Variants in MCUB observed in about 807,000 individuals in gnomAD.
MCUB encodes the protein mitochondrial calcium uniporter dominant negative subunit beta.
Under a neutral mutation model 41.4 loss-of-function variants are expected in MCUB, and 46 were observed. That is an observed-to-expected ratio of 1.11 (90% CI 0.88 to 1.42). MCUB has a LOEUF of 1.42. Among genes scored for constraint, MCUB ranks in the 40% most tolerant of loss-of-function variants. The probability of loss-of-function intolerance (pLI) is 0.00; values close to 1 mark genes in which losing one functional copy is unlikely to be tolerated. For synonymous variants in MCUB, 148 were observed against 148.2 expected, an observed-to-expected ratio of 1.00 and a Z score of 0.01; for missense variants, 403 against 404.9, an observed-to-expected ratio of 1.00 and a Z score of 0.04.
chr4:109,665,340 C>G (rs1433309712), intron 4 of MCUB, among the ~76,000 whole-genome samples: 1 of 151,894 alleles, frequency 6.6e-6, no homozygotes, highest in Non-Finnish European at 1.5e-5. Context: ...TTTTTATGAC[C>G]AGAAATATGC....
rs979531838 is a variant in MCUB, at chr4:109,605,023, T to C, written c.99+44587T>C. Reference sequence around the variant, plus strand: ...TTGTCTGGTTTTGGTATCAGGGTAATACCAGCCTTCTAGAATAAGTTTGAA... The same window carrying C: ...TTGTCTGGTTTTGGTATCAGGGTAACACCAGCCTTCTAGAATAAGTTTGAA... On this transcript the variant is annotated intron_variant, in intron 1 of 7. Coordinates refer to ENST00000394650, the MANE Select transcript of MCUB (RefSeq NM_017918.5). 5.3e-5 allele frequency among the ~76,000 whole-genome samples: 8 copies of C among 152,356 alleles called. No individual in the cohort carries two copies. In the East Asian group the frequency reaches 1.5e-3, roughly 29 times the overall value.
intron 1 of MCUB, among the ~76,000 whole-genome samples, chr4:109,571,610 G>T (rs573850915): frequency 6.6e-6 from 1 of 152,300 alleles, no homozygotes; most frequent in South Asian, 2.1e-4. Context: ...ACCGTGCCAG[G>T]CTATTGTTAA....
chr4:109,639,274 CATTA>C (rs1280034745), intron 1 of MCUB, among the ~76,000 whole-genome samples: 1 of 152,100 alleles, frequency 6.6e-6, no homozygotes, highest in African/African-American at 2.4e-5. Flanking sequence ...GGCATGAAAA[CATTA>C]ATCTCCTTTT....
intron 1 of MCUB, among the ~76,000 whole-genome samples, chr4:109,575,536 T>G (rs997494983): frequency 1.8e-4 from 28 of 152,302 alleles, no homozygotes; most frequent in African/African-American, 6.7e-4. Context: ...TTCGTTTAAT[T>G]AGTTTATTCA....
intron 1 of MCUB, among the ~76,000 whole-genome samples, chr4:109,622,736 G>A (rs950553790): frequency 4.6e-5 from 7 of 152,170 alleles, no homozygotes; most frequent in African/African-American, 1.7e-4. Flanking sequence ...CATGGTCCCT[G>A]ATTTATGATG....
At chr4:109,583,319 G>A (rs1727228262) in intron 1 of MCUB, among the ~76,000 whole-genome samples, 1 of 152,100 alleles carries the variant, frequency 6.6e-6, no homozygotes, top group Non-Finnish European at 1.5e-5. Context: ...TATTCTCTTT[G>A]AAGCAATTGT....
At chr4:109,659,760 C>T (rs12646055) in intron 2 of MCUB, among the ~76,000 whole-genome samples, 41,321 of 152,104 alleles carry the variant, frequency 0.27, 6,307 homozygotes, top group East Asian at 0.47. Context: ...AGGCTGAAGC[C>T]ATCGTCCCAG....
At chr4:109,598,582 C>T (rs911474547) in intron 1 of MCUB, among the ~76,000 whole-genome samples, 18 of 151,976 alleles carry the variant, frequency 1.2e-4, no homozygotes, top group Middle Eastern at 6.8e-3. Flanking sequence ...AGAGGGAGAC[C>T]GTGGAAACAG....
intron 1 of MCUB, among the ~76,000 whole-genome samples, chr4:109,637,938 T>C (rs1251202035): frequency 6.6e-6 from 1 of 152,240 alleles, no homozygotes; most frequent in African/African-American, 2.4e-5. Flanking sequence ...AATGACTGTA[T>C]ATAGGCATAC....
intron 1 of MCUB, among the ~76,000 whole-genome samples, chr4:109,612,950 T>TA (rs1393705448): frequency 1.3e-5 from 2 of 151,608 alleles, no homozygotes; most frequent in East Asian, 3.9e-4. Context: ...ACTAAAAATA[T>TA]AAAAAATTAG....
intron 1 of MCUB, among the ~76,000 whole-genome samples, chr4:109,593,247 A>C (rs1487672421): frequency 6.6e-6 from 1 of 152,216 alleles, no homozygotes; most frequent in African/African-American, 2.4e-5. Context: ...AATTTAAAAA[A>C]GAGTTCTCCC....
At chr4:109,649,669 G>A (rs1335652475) in intron 1 of MCUB, among the ~76,000 whole-genome samples, 1 of 151,440 alleles carries the variant, frequency 6.6e-6, no homozygotes, top group Non-Finnish European at 1.5e-5. Context: ...TTTGTTTCTG[G>A]GGTTCTGTAG....
intron 1 of MCUB, among the ~76,000 whole-genome samples, chr4:109,579,597 C>T (rs985325292): frequency 5.3e-5 from 8 of 152,080 alleles, no homozygotes; most frequent in Admixed American, 4.6e-4. Flanking sequence ...ACATGTAAGA[C>T]GTGGCATTTG....
chr4:109,675,457 T>C (rs1729551475), intron 4 of MCUB, among the ~76,000 whole-genome samples: 1 of 152,234 alleles, frequency 6.6e-6, no homozygotes, highest in African/African-American at 2.4e-5. Context: ...TAGTTTCTCA[T>C]AGCTCAAGGC....
At chr4:109,622,615 A>C (rs1728271308) in intron 1 of MCUB, among the ~76,000 whole-genome samples, 1 of 152,238 alleles carries the variant, frequency 6.6e-6, no homozygotes, top group South Asian at 2.1e-4. Flanking sequence ...CCAATAATGT[A>C]GATTGTAATT....
intron 4 of MCUB, among the ~76,000 whole-genome samples, chr4:109,676,264 T>C (rs1729576256): frequency 6.6e-6 from 1 of 152,144 alleles, no homozygotes; most frequent in Non-Finnish European, 1.5e-5. Context: ...GTAGGCTGGG[T>C]GTGGTGACTC....
chr4:109,612,356 T>C lies in MCUB; in HGVS notation c.100-46655T>C, dbSNP rs150776457. 6.5e-3 allele frequency among the ~76,000 whole-genome samples: 879 copies of C among 134,990 alleles called. 9 individuals are homozygous for C. Among genetic ancestry groups the C allele is most frequent in the African/African-American group, 0.023 (833 of 36,154 alleles). 88.6% of individuals were successfully genotyped at this position (134,990 alleles called of 152,430 possible). A position where few individuals can be genotyped will look rare whatever the true frequency, so the allele number is the denominator to read the frequency against. Reference sequence around the variant, plus strand: ...ATCCCGGCTCGCTGCAACCACCACCTCCCAGGTTCAAGCAATTCTCCCATC... The same window carrying C: ...ATCCCGGCTCGCTGCAACCACCACCCCCCAGGTTCAAGCAATTCTCCCATC... On this transcript the variant is annotated intron_variant, in intron 1 of 7. Transcript: ENST00000394650.
intron 1 of MCUB, among the ~76,000 whole-genome samples, chr4:109,651,492 C>T (rs1034193214): frequency 6.6e-6 from 1 of 152,106 alleles, no homozygotes; most frequent in African/African-American, 2.4e-5. Context: ...TGCTCATAGG[C>T]TCTCTCAGAA....
rs191166092 is a variant in MCUB, at chr4:109,590,307, A to G, written c.99+29871A>G. On this transcript the variant is annotated intron_variant, in intron 1 of 7. Coordinates refer to ENST00000394650, the MANE Select transcript of MCUB (RefSeq NM_017918.5). ...ATTGTCATTGCTCTATAATTGGCTTACCCTTTTGCTTTTCTTTGCTTATAG... is the reference window on the plus strand; with the variant it reads ...ATTGTCATTGCTCTATAATTGGCTTGCCCTTTTGCTTTTCTTTGCTTATAG... Among the ~76,000 whole-genome samples the G allele has an allele frequency of 3.7e-4, 57 of 152,250 alleles. No homozygotes were observed. In the Middle Eastern group the frequency reaches 0.01, roughly 27 times the overall value.
Sources: gnomAD v4.1 joint callset for allele counts (sites outside exome capture counted in the v4.1 genomes callset) on GRCh38, gnomAD v4.1.1 for gene constraint, MANE v1.5 for transcripts, NCBI Gene and HGNC (gene_info 2026-07-23, HGNC 2026-07-21) for gene names.